KLHDC4: variants seen among roughly 807,000 people sequenced by gnomAD.
KLHDC4 encodes kelch domain-containing protein 4.
In KLHDC4, 90 loss-of-function variants were observed where a neutral mutation model predicts 62.4. The observed-to-expected ratio is 1.44, with a 90% confidence interval of 1.22 to 1.72. The LOEUF (loss-of-function observed/expected upper bound fraction) is 1.72. Among genes scored for constraint, KLHDC4 ranks in the 40% most tolerant of loss-of-function variants. KLHDC4 has a pLI of 0.00. For synonymous variants in KLHDC4, 386 were observed against 284.4 expected (o/e 1.36, Z -3.59); for missense variants, 1,025 against 699.7 (o/e 1.47, Z -5.25).
intron 6 of KLHDC4, among the ~76,000 whole-genome samples, chr16:87,728,372 A>G (rs557749522): frequency 6.6e-6 from 1 of 152,346 alleles, no homozygotes; most frequent in South Asian, 2.1e-4. Context: ...GATTTTTAGT[A>G]CAAAGATTCT....
intron 5 of KLHDC4, among the ~76,000 whole-genome samples, chr16:87,738,476 C>G (rs546056133): frequency 6.6e-6 from 1 of 152,278 alleles, no homozygotes; most frequent in East Asian, 1.9e-4. Context: ...CACAGCAACA[C>G]TGCAAGAGCA....
chr16:87,743,968 C>T lies in KLHDC4; in HGVS notation c.506+4705G>A, dbSNP rs373356559. Among the ~76,000 whole-genome samples the T allele has an allele frequency of 1.3e-4, 20 of 152,066 alleles. No individual in the cohort carries two copies. In the East Asian group the frequency reaches 2.1e-3, roughly 16 times the overall value. On this transcript the variant is annotated intron_variant, in intron 5 of 11. Coordinates refer to ENST00000270583, the MANE Select transcript of KLHDC4 (RefSeq NM_017566.4). Reference sequence around the variant, plus strand: ...CAGCAAACGCAATCCAGTCAAAATCCTTCTGGACTTTTAACATTAGAATTT... The same window carrying T: ...CAGCAAACGCAATCCAGTCAAAATCTTTCTGGACTTTTAACATTAGAATTT...
intron 5 of KLHDC4, 146 bp from the exon 6 acceptor site, chr16:87,730,790 GATCT>G (rs1360539289): frequency 3.0e-6 from 2 of 666,576 alleles, no homozygotes; most frequent in Admixed American, 3.1e-5. Context: ...CATTTAATCT[GATCT>G]ATCAACTACC....
At chr16:87,742,389 A>G (rs1011056526) in intron 5 of KLHDC4, among the ~76,000 whole-genome samples, 1 of 152,074 alleles carries the variant, frequency 6.6e-6, no homozygotes, top group Non-Finnish European at 1.5e-5. Flanking sequence ...CAAAAGCAAA[A>G]CCTACACTAC....
rs752715403 is a variant in KLHDC4, at chr16:87,730,575, A to C, written c.576T>G (p.Phe192Leu). The part of the protein sequence containing the change: ...MVAWKRQLIL[F>L]GGFHESTRDY... Reference sequence around the variant, plus strand: ...ACCGTGTACTTTCATGGAAGCCACCAAACAGGATCAATTGTCTCTTCCAGG... The same window carrying C: ...ACCGTGTACTTTCATGGAAGCCACCCAACAGGATCAATTGTCTCTTCCAGG... Residue 192 changes from phenylalanine (F) to leucine (L), a missense_variant, in exon 6 of 12, where the codon TTT becomes TTG. By Grantham distance (22) the Phe-to-Leu change is conservative (BLOSUM62 0). Transcript: ENST00000270583. The C allele has an allele frequency of 1.2e-6, 2 of 1,613,108 alleles. No individual in the cohort carries two copies. The highest frequency in any genetic ancestry group is 1.1e-5 in the South Asian group (1 of 90,766).
chr16:87,755,295 AC>A lies in KLHDC4; in HGVS notation c.271-4del. 2 of 1,530,322 alleles carry A rather than the reference AC, an allele frequency of 1.3e-6. No individual in the cohort carries two copies. Among genetic ancestry groups the A allele is most frequent in the Non-Finnish European group, 9.1e-7 (1 of 1,104,758 alleles). The allele number at this position is 1,530,322 out of a possible 1,614,324, so 94.8% of individuals were successfully genotyped here. A position where few individuals can be genotyped will look rare whatever the true frequency, so the allele number is the denominator to read the frequency against. ...TAGAGCTCGTTATACAAAAAAGTCTACAGGAAGGAAGAAGAATGTCAGTGTC... is the reference window on the plus strand; with the variant it reads ...TAGAGCTCGTTATACAAAAAAGTCTAAGGAAGGAAGAAGAATGTCAGTGTC... On this transcript the variant is annotated splice_region_variant and splice_polypyrimidine_tract_variant and intron_variant, in intron 3 of 11. Coordinates refer to ENST00000270583, the MANE Select transcript of KLHDC4 (RefSeq NM_017566.4).
intron 9 of KLHDC4, 114 bp from the exon 10 acceptor site, chr16:87,709,781 G>A: frequency 1.6e-6 from 2 of 1,269,184 alleles, no homozygotes; most frequent in Non-Finnish European, 2.1e-6. Flanking sequence ...AGCGTGGGGA[G>A]TGTGTGACCC....
intron 7 of KLHDC4, among the ~76,000 whole-genome samples, chr16:87,717,551 T>C (rs2037245795): frequency 6.6e-6 from 1 of 152,236 alleles, no homozygotes; most frequent in Admixed American, 6.5e-5. Flanking sequence ...GTCTCTTTTG[T>C]TCTCCTTCTG....
At chr16:87,707,720 G>C, downstream of KLHDC4, 1 of 264,116 alleles carries the variant, frequency 3.8e-6, no homozygotes, top group Non-Finnish European at 7.6e-6. Context: ...GTGTGGGGTG[G>C]TCTCGCCCTA....
rs1257374381 is a variant in KLHDC4 at position 87,711,304 on chromosome 16, C to G, written c.975G>C (p.Ser325=). ...VCDEEEEESL[S]GEFFNDLYFY... ...AGTACAGATCGTTGAAGAACTCGCC[C>G]GACAGGCTCTCCTCCTCTTCCTCGT... The change falls in exon 9 of 12, where the codon TCG becomes TCC. Residue 325 remains serine (S), a synonymous_variant. Coordinates refer to ENST00000270583, the MANE Select transcript of KLHDC4 (RefSeq NM_017566.4). The G allele has an allele frequency of 6.2e-7, 1 of 1,614,100 alleles. No homozygotes were observed.
In KLHDC4 at chr16:87,731,367, C is replaced by T. The variant is rs138974771; in HGVS notation, c.507-723G>A. The stretch of plus-strand genomic sequence containing the variant: ...GATTACAGGCATGAGCCACTGTGCC[C>T]GGCCCAGAATTCTATCTTAATAGTA... On this transcript the variant is annotated intron_variant, in intron 5 of 11. Transcript: ENST00000270583. 8.4e-4 allele frequency among the ~76,000 whole-genome samples: 127 copies of T among 151,836 alleles called. No homozygotes were observed. The Middle Eastern group carries it at 0.014, about 16-fold the overall frequency.
intron 4 of KLHDC4, among the ~76,000 whole-genome samples, chr16:87,750,693 G>A (rs541792987): frequency 1.8e-4 from 27 of 152,260 alleles, no homozygotes; most frequent in Admixed American, 4.6e-4. Context: ...CCTCTGAGTC[G>A]GTGTTCCGCC....
chr16:87,727,432 G>C (rs560272948), intron 6 of KLHDC4, among the ~76,000 whole-genome samples: 75 of 152,344 alleles, frequency 4.9e-4, no homozygotes, highest in African/African-American at 1.7e-3. Context: ...CAGCCTGGCA[G>C]CAAGGGTGGT....
chr16:87,698,846 C>G (rs1033058001), exon 1 of KLHDC4: 1 of 152,264 alleles, frequency 6.6e-6, no homozygotes, highest in Non-Finnish European at 1.5e-5. Context: ...CAGGGCAGGA[C>G]AGCATGTGCC....
At chr16:87,752,697 G>T (rs572348292) in intron 4 of KLHDC4, among the ~76,000 whole-genome samples, 1 of 152,072 alleles carries the variant, frequency 6.6e-6, no homozygotes, top group Non-Finnish European at 1.5e-5. Context: ...GACCCAGTCC[G>T]ACCCAGAGGA....
chr16:87,702,229 C>T (rs1258728887), exon 1 of KLHDC4: 4 of 456,386 alleles, frequency 8.8e-6, no homozygotes, highest in South Asian at 3.1e-5. Flanking sequence ...CAGCCAACTC[C>T]TCCTCCACAG....
At position 87,712,843 on chromosome 16, in the gene KLHDC4, G is replaced by A. The variant is rs556815196; in HGVS notation, c.836-1400C>T. On this transcript the variant is annotated intron_variant, in intron 8 of 11. Transcript: ENST00000270583. ...GCTGTGGGTCACAAAAGCAGACCTG[G>A]CCTAGGCATTGGGTCTCCTGGGTCT... Among the ~76,000 whole-genome samples the A allele has an allele frequency of 2.0e-5, 3 of 152,302 alleles. No individual in the cohort carries two copies. In the East Asian group the frequency reaches 5.8e-4, roughly 29 times the overall value.
chr16:87,749,952 C>T (rs1291864030), intron 4 of KLHDC4, among the ~76,000 whole-genome samples: 1 of 152,154 alleles, frequency 6.6e-6, no homozygotes, highest in Non-Finnish European at 1.5e-5. Context: ...GGAGTGATGC[C>T]CTCTGGGCCA....
At chr16:87,745,176 G>A (rs2042857679) in intron 5 of KLHDC4, among the ~76,000 whole-genome samples, 1 of 152,128 alleles carries the variant, frequency 6.6e-6, no homozygotes, top group Non-Finnish European at 1.5e-5. Context: ...GAGCGGTGGG[G>A]GCATGTTCTC....
Sources: allele counts gnomAD v4.1 joint callset (sites outside exome capture counted in the v4.1 genomes callset), GRCh38; gene constraint gnomAD v4.1.1; transcripts MANE v1.5; gene names NCBI Gene and HGNC (gene_info 2026-07-23, HGNC 2026-07-21).